PDE7B: variants seen among roughly 807,000 people sequenced by gnomAD.
PDE7B encodes 3',5'-cyclic-AMP phosphodiesterase 7B.
In PDE7B, 29 loss-of-function variants were observed where a neutral mutation model predicts 56.2. The observed-to-expected ratio is 0.52, with a 90% CI of 0.38 to 0.70. The LOEUF (loss-of-function observed/expected upper bound fraction) is 0.70, where lower values mean the gene tolerates loss of function less well. Among genes scored for constraint, PDE7B ranks in the 30% least tolerant of loss-of-function variants. PDE7B has a pLI of 0.00. For synonymous variants in PDE7B, 197 were observed against 196.9 expected (o/e 1.00, Z 0.00); for missense variants, 490 against 565.0 (o/e 0.87, Z 1.35).
At chr6:136,126,309 A>T (rs181850523) in intron 3 of PDE7B, among the ~76,000 whole-genome samples, 3 of 152,300 alleles carry the variant, frequency 2.0e-5, no homozygotes, top group African/African-American at 7.2e-5. Flanking sequence ...TTCTTTCCTT[A>T]GTTTGCATAG....
chr6:136,138,543 C>G (rs1002131885), intron 3 of PDE7B, among the ~76,000 whole-genome samples: 10 of 151,966 alleles, frequency 6.6e-5, no homozygotes, highest in Admixed American at 2.6e-4. Flanking sequence ...CACGTTCTTC[C>G]CCTTTAGAAA....
At chr6:135,991,162 G>C (rs965684054) in intron 2 of PDE7B, among the ~76,000 whole-genome samples, 3 of 152,078 alleles carry the variant, frequency 2.0e-5, no homozygotes, top group Non-Finnish European at 4.4e-5. Flanking sequence ...CTTCTTTACT[G>C]CACCCTGTTT....
chr6:135,933,611 G>C (rs1774331718), intron 1 of PDE7B, among the ~76,000 whole-genome samples: 1 of 152,074 alleles, frequency 6.6e-6, no homozygotes, highest in Non-Finnish European at 1.5e-5. Flanking sequence ...TTTTTGGTTT[G>C]CTAAGAATAC....
intron 2 of PDE7B, among the ~76,000 whole-genome samples, chr6:136,026,764 A>C (rs1202530944): frequency 2.6e-5 from 4 of 152,212 alleles, no homozygotes; most frequent in Non-Finnish European, 4.4e-5. Context: ...TTAGTGCTGT[A>C]TCTGGTACAT....
intron 2 of PDE7B, chr6:136,038,215 C>T (rs1350072830): frequency 7.7e-7 from 1 of 1,295,560 alleles, no homozygotes. Context: ...GAAGCAGAAA[C>T]AGCAGCAGCA....
Position 136,191,732 on chromosome 6 carries a change from C to T in PDE7B, c.1245C>T (p.Ser415=). 1 of 1,609,414 alleles carries T rather than the reference C, an allele frequency of 6.2e-7. No homozygotes were observed. The highest frequency in any genetic ancestry group is 8.5e-7 in the Non-Finnish European group (1 of 1,178,000). ...CACACAACAAGGCCCAGTGGAAGAG[C>T]CTGTTGCCCAGGCAGCACAGAAGCA... ...HLAHNKAQWK[S]LLPRQHRSRG... The change falls in exon 13 of 13, where the codon AGC becomes AGT. Residue 415 remains serine (S), a synonymous_variant. Transcript: ENST00000308191.
At chr6:136,018,204 G>A (rs2128207813) in intron 2 of PDE7B, among the ~76,000 whole-genome samples, 1 of 152,136 alleles carries the variant, frequency 6.6e-6, no homozygotes, top group East Asian at 1.9e-4. Context: ...GCAGGATCGA[G>A]GCAGAATACC....
At chr6:135,919,094 G>A (rs147979662) in intron 1 of PDE7B, among the ~76,000 whole-genome samples, 9 of 152,178 alleles carry the variant, frequency 5.9e-5, no homozygotes, top group East Asian at 3.9e-4. Flanking sequence ...TTACTCTCCC[G>A]GGTAAATGTG....
In PDE7B at chr6:136,194,916, C is replaced by T. The variant is rs1030962672; in HGVS notation, c.*3076C>T. 2 of 152,146 alleles carry T rather than the reference C, an allele frequency of 1.3e-5. No individual in the cohort carries two copies. The highest frequency in any genetic ancestry group is 2.4e-5 in the African/African-American group (1 of 41,440). The allele number at this position is 152,146 out of a possible 1,614,324, so 9.4% of individuals were successfully genotyped here. A position where few individuals can be genotyped will look rare whatever the true frequency, so the allele number is the denominator to read the frequency against. On this transcript the variant is annotated 3_prime_UTR_variant, in exon 13 of 13. Coordinates refer to ENST00000308191, the MANE Select transcript of PDE7B (RefSeq NM_018945.4). ...AACAAACAAACAAAAAATCCCACAGCTATTGGATCATCCACAGATTTTTTC... is the reference window on the plus strand; with the variant it reads ...AACAAACAAACAAAAAATCCCACAGTTATTGGATCATCCACAGATTTTTTC...
At chr6:136,061,257 T>C (rs953448032) in intron 2 of PDE7B, among the ~76,000 whole-genome samples, 1 of 152,214 alleles carries the variant, frequency 6.6e-6, no homozygotes, top group Admixed American at 6.5e-5. Context: ...GGCTGATATA[T>C]TGTCTTCACT....
chr6:136,181,218 A>C lies in PDE7B; in HGVS notation c.949-9A>C. On this transcript the variant is annotated splice_polypyrimidine_tract_variant and intron_variant, in intron 10 of 12. Transcript: ENST00000308191. ...TCTCACAATTTCTCCCCGCCCTGTC[A>C]TTTCTCAGATCGCCTTGAAGTGTGC... The C allele has an allele frequency of 6.2e-7, 1 of 1,606,652 alleles. No homozygotes were observed. Among genetic ancestry groups the C allele is most frequent in the Non-Finnish European group, 8.5e-7 (1 of 1,173,394 alleles).
At position 135,881,325 on chromosome 6, in the gene PDE7B, G is replaced by A. The variant is rs181811416; in HGVS notation, c.21+29306G>A. Among the ~76,000 whole-genome samples, 192 of 140,132 alleles carry A rather than the reference G, an allele frequency of 1.4e-3. 1 individual carries two copies. In the Middle Eastern group the frequency reaches 0.015, roughly 11 times the overall value. 91.9% of individuals were successfully genotyped at this position (140,132 alleles called of 152,430 possible). A position where few individuals can be genotyped will look rare whatever the true frequency, so the allele number is the denominator to read the frequency against. On this transcript the variant is annotated intron_variant, in intron 1 of 12. Transcript: ENST00000308191. ...ATCCTGGCCAACATGGCAAAATCCCGTCTCTACTAAAAATACAAAAAAAAA... is the reference window on the plus strand; with the variant it reads ...ATCCTGGCCAACATGGCAAAATCCCATCTCTACTAAAAATACAAAAAAAAA...
rs1045292174 is a variant in PDE7B at position 135,901,247 on chromosome 6, ACTAG to A, written c.22-46213_22-46210del. Among the ~76,000 whole-genome samples the A allele has an allele frequency of 4.1e-4, 62 of 152,156 alleles. 3 individuals are homozygous for A. The highest frequency in any genetic ancestry group is 5.9e-5 in the Non-Finnish European group (4 of 68,038). On this transcript the variant is annotated intron_variant, in intron 1 of 12. Coordinates refer to ENST00000308191, the MANE Select transcript of PDE7B (RefSeq NM_018945.4). ...TTCTCCTATGGATTTAAATTTACAA[ACTAG>A]CTAAATAATAAGTAACAATGTATAC...
chr6:136,186,653 A>T (rs1779150686), intron 11 of PDE7B, among the ~76,000 whole-genome samples: 1 of 152,194 alleles, frequency 6.6e-6, no homozygotes, highest in African/African-American at 2.4e-5. Flanking sequence ...GGCAGCGTGA[A>T]AGTAGAGGAG....
intron 3 of PDE7B, among the ~76,000 whole-genome samples, chr6:136,125,956 C>T (rs532134625): frequency 6.6e-6 from 1 of 152,210 alleles, no homozygotes; most frequent in South Asian, 2.1e-4. Flanking sequence ...AATCTACAGC[C>T]TACTTATTCT....
At chr6:136,063,670 CT>C (rs1486223865) in intron 2 of PDE7B, among the ~76,000 whole-genome samples, 1 of 152,232 alleles carries the variant, frequency 6.6e-6, no homozygotes, top group East Asian at 1.9e-4. Flanking sequence ...AGCCCCGCCC[CT>C]ACTTTCCACT....
At chr6:135,976,926 T>C (rs956860747) in intron 2 of PDE7B, among the ~76,000 whole-genome samples, 5 of 152,268 alleles carry the variant, frequency 3.3e-5, no homozygotes, top group Middle Eastern at 6.8e-3. Flanking sequence ...AGAATGGGCA[T>C]TGATGTCTTT....
At chr6:136,039,929 G>T (rs1776387184) in intron 2 of PDE7B, among the ~76,000 whole-genome samples, 1 of 152,162 alleles carries the variant, frequency 6.6e-6, no homozygotes, top group South Asian at 2.1e-4. Context: ...ATTACAAACT[G>T]CACCCTTTGA....
At position 136,053,043 on chromosome 6, in the gene PDE7B, G is replaced by A. The variant is rs1776660279; in HGVS notation, c.83-55688G>A. On this transcript the variant is annotated intron_variant, in intron 2 of 12. Coordinates refer to ENST00000308191, the MANE Select transcript of PDE7B (RefSeq NM_018945.4). ...ACTGGGTAATTTATAAAGGAAAGAG[G>A]TTTAATGGACTCACATTTTTTTAAA... 3.9e-5 allele frequency among the ~76,000 whole-genome samples: 6 copies of A among 152,230 alleles called. No individual in the cohort carries two copies. In the South Asian group the frequency reaches 1.0e-3, roughly 26 times the overall value.
Sources: gnomAD v4.1 joint callset for allele counts (sites outside exome capture counted in the v4.1 genomes callset) on GRCh38, gnomAD v4.1.1 for gene constraint, MANE v1.5 for transcripts, NCBI Gene and HGNC (gene_info 2026-07-23, HGNC 2026-07-21) for gene names.